Variants in GRM7 observed in about 807,000 individuals in gnomAD.
GRM7 encodes metabotropic glutamate receptor 7.
In GRM7, 35 loss-of-function variants were observed where a neutral mutation model predicts 84.5. The ratio of observed to expected loss-of-function variants is 0.41; its 90% CI spans 0.32 to 0.55. GRM7 has a LOEUF of 0.55. Ranked by LOEUF, GRM7 falls within the 20% of genes least tolerant of loss-of-function variation. GRM7 has a pLI of 0.19. For synonymous variants in GRM7, 487 were observed against 455.1 expected, an observed-to-expected ratio of 1.07 and a Z score of -0.89; for missense variants, 1,003 against 1,194.6, an observed-to-expected ratio of 0.84 and a Z score of 2.36.
chr3:7,601,260 C>G lies in GRM7; in HGVS notation c.2451+21903C>G, dbSNP rs116249178. ...CTGACTTCTGACTTCCTTTGTAATGCTGTGCATTTTGTCTTATGCATCCAA... is the reference window on the plus strand; with the variant it reads ...CTGACTTCTGACTTCCTTTGTAATGGTGTGCATTTTGTCTTATGCATCCAA... On this transcript the variant is annotated intron_variant, in intron 8 of 9. Coordinates refer to ENST00000357716, the MANE Select transcript of GRM7 (RefSeq NM_000844.4). Among the ~76,000 whole-genome samples the G allele has an allele frequency of 4.6e-5, 7 of 152,220 alleles. No homozygotes were observed. In the South Asian group the frequency reaches 1.5e-3, roughly 32 times the overall value.
intron 9 of GRM7, chr3:7,686,364 A>G: frequency 1.4e-6 from 2 of 1,382,746 alleles, no homozygotes; most frequent in Non-Finnish European, 2.1e-6. Context: ...TAGACTGTAT[A>G]CCACCAGTAA....
chr3:7,168,288 A>G (rs1025229002), intron 2 of GRM7, among the ~76,000 whole-genome samples: 2 of 152,160 alleles, frequency 1.3e-5, no homozygotes, highest in African/African-American at 4.8e-5. Context: ...GAGGTTCTTC[A>G]TGCCTTCTAT....
intron 7 of GRM7, among the ~76,000 whole-genome samples, chr3:7,470,348 A>G (rs1698648350): frequency 6.6e-6 from 1 of 152,270 alleles, no homozygotes; most frequent in African/African-American, 2.4e-5. Flanking sequence ...AAAAGGGTTG[A>G]TAAATGCAGT....
At chr3:7,199,454 G>A (rs1695991464) in intron 2 of GRM7, among the ~76,000 whole-genome samples, 1 of 152,198 alleles carries the variant, frequency 6.6e-6, no homozygotes, top group Non-Finnish European at 1.5e-5. Context: ...ATTCCGTAAG[G>A]TTGTTTATTT....
chr3:7,301,840 T>G (rs1199854655), intron 3 of GRM7, among the ~76,000 whole-genome samples: 1 of 152,172 alleles, frequency 6.6e-6, no homozygotes, highest in East Asian at 1.9e-4. Context: ...ATTTCTTTCT[T>G]CGGAAGATTT....
At chr3:6,939,725 T>G (rs988777577) in intron 1 of GRM7, among the ~76,000 whole-genome samples, 9 of 152,164 alleles carry the variant, frequency 5.9e-5, no homozygotes, top group Non-Finnish European at 1.2e-4. Context: ...CTGGTATTTA[T>G]TTTTTGTTTG....
chr3:6,882,704 A>C (rs2124965961), intron 1 of GRM7, among the ~76,000 whole-genome samples: 1 of 152,348 alleles, frequency 6.6e-6, no homozygotes, highest in African/African-American at 2.4e-5. Context: ...ACCAAACTAT[A>C]AAAATGTTTT....
intron 4 of GRM7, among the ~76,000 whole-genome samples, chr3:7,340,459 T>G (rs1281490340): frequency 1.3e-5 from 2 of 151,968 alleles, no homozygotes; most frequent in Admixed American, 1.3e-4. Flanking sequence ...AACCATCAGA[T>G]CTTGTGAGAA....
intron 7 of GRM7, among the ~76,000 whole-genome samples, chr3:7,568,724 G>A (rs902702076): frequency 3.3e-5 from 5 of 152,302 alleles, no homozygotes; most frequent in African/African-American, 9.6e-5. Flanking sequence ...TGGGCAATGA[G>A]GGGCTTAGCA....
At chr3:7,074,447 T>A (rs2124988014) in intron 1 of GRM7, among the ~76,000 whole-genome samples, 1 of 152,340 alleles carries the variant, frequency 6.6e-6, no homozygotes, top group Non-Finnish European at 1.5e-5. Context: ...AGGGCATTAC[T>A]TAAAGTGTGG....
At chr3:7,124,108 A>T (rs992518177) in intron 1 of GRM7, among the ~76,000 whole-genome samples, 1 of 152,146 alleles carries the variant, frequency 6.6e-6, no homozygotes, top group Non-Finnish European at 1.5e-5. Context: ...TCTTTGATGG[A>T]ACTGTAACTG....
intron 2 of GRM7, among the ~76,000 whole-genome samples, chr3:7,193,806 AT>A (rs1403306515): frequency 6.6e-6 from 1 of 151,992 alleles, no homozygotes; most frequent in South Asian, 2.1e-4. Context: ...ACATATAGAA[AT>A]TTTTTTCACA....
intron 7 of GRM7, among the ~76,000 whole-genome samples, chr3:7,471,069 A>G (rs1417555101): frequency 6.6e-6 from 1 of 151,860 alleles, no homozygotes; most frequent in Non-Finnish European, 1.5e-5. Flanking sequence ...TAAAAAAAGT[A>G]AAATAAAATA....
chr3:7,220,795 AT>A (rs1696775063), intron 2 of GRM7, among the ~76,000 whole-genome samples: 2 of 152,170 alleles, frequency 1.3e-5, no homozygotes, highest in African/African-American at 4.8e-5. Flanking sequence ...AATATAGTTT[AT>A]TTTTAAAAAG....
At chr3:7,105,257 C>G (rs1476330976) in intron 1 of GRM7, among the ~76,000 whole-genome samples, 1 of 151,576 alleles carries the variant, frequency 6.6e-6, no homozygotes, top group Admixed American at 6.6e-5. Flanking sequence ...AATGTTGACC[C>G]AGAACAATCC....
chr3:7,483,303 G>C (rs1197768174), intron 7 of GRM7, among the ~76,000 whole-genome samples: 1 of 152,198 alleles, frequency 6.6e-6, no homozygotes, highest in African/African-American at 2.4e-5. Flanking sequence ...GATACCAAAG[G>C]ATACTTTGGA....
At chr3:6,962,755 A>C (rs1456660840) in intron 1 of GRM7, among the ~76,000 whole-genome samples, 1 of 152,212 alleles carries the variant, frequency 6.6e-6, no homozygotes, top group East Asian at 1.9e-4. Flanking sequence ...GCTACATTGC[A>C]GTGTGAATTT....
chr3:7,302,251 G>T (rs1700027677), intron 3 of GRM7, among the ~76,000 whole-genome samples: 1 of 151,942 alleles, frequency 6.6e-6, no homozygotes, highest in South Asian at 2.1e-4. Flanking sequence ...TACAATTCTG[G>T]TTTAATTTTT....
chr3:7,629,674 C>T (rs536960818), intron 8 of GRM7, among the ~76,000 whole-genome samples: 7 of 152,272 alleles, frequency 4.6e-5, no homozygotes, highest in South Asian at 2.1e-4. Context: ...AACTGCCTTA[C>T]GCTAAGTATC....
Sources: allele counts gnomAD v4.1 joint callset (sites outside exome capture counted in the v4.1 genomes callset), GRCh38; gene constraint gnomAD v4.1.1; transcripts MANE v1.5; gene names NCBI Gene and HGNC (gene_info 2026-07-23, HGNC 2026-07-21).